PLXDC2: variants seen among roughly 807,000 people sequenced by gnomAD.
The protein encoded by PLXDC2 is plexin domain containing 2.
Under a neutral mutation model 68.9 loss-of-function variants are expected in PLXDC2, and 40 were observed. That is an observed-to-expected ratio of 0.58 (90% CI 0.45 to 0.76). PLXDC2 has a LOEUF of 0.76. Ranked by LOEUF, PLXDC2 falls within the 30% of genes least tolerant of loss-of-function variation. The probability of loss-of-function intolerance (pLI) is 0.00; values close to 1 mark genes in which losing one functional copy is unlikely to be tolerated. For missense variants in PLXDC2, 644 were observed against 661.9 expected (o/e 0.97, Z 0.30); for synonymous variants, 243 against 234.2 (o/e 1.04, Z -0.34).
intron 1 of PLXDC2, among the ~76,000 whole-genome samples, chr10:19,907,190 ATT>A (rs1488008829): frequency 6.6e-6 from 1 of 152,158 alleles, no homozygotes; most frequent in African/African-American, 2.4e-5. Flanking sequence ...AGAGCCTGAA[ATT>A]CTAGCCTTAA....
At position 20,223,678 on chromosome 10, in the gene PLXDC2, A is replaced by T. The variant is rs144114887; in HGVS notation, c.1312+4576A>T. On this transcript the variant is annotated intron_variant, in intron 12 of 13. Transcript: ENST00000377252. ...ATAAGCTATTTTACTTTTACCTACT[A>T]TAGTTCACCTTTTCTATAACAACTG... is the stretch of plus-strand genomic sequence containing the variant. Among the ~76,000 whole-genome samples the T allele has an allele frequency of 5.9e-5, 9 of 152,210 alleles. No individual in the cohort carries two copies. The East Asian group carries it at 1.7e-3, about 29-fold the overall frequency.
chr10:19,952,522 G>A (rs989797733), intron 1 of PLXDC2, among the ~76,000 whole-genome samples: 1 of 152,194 alleles, frequency 6.6e-6, no homozygotes, highest in African/African-American at 2.4e-5. Context: ...ATCTTTGGCT[G>A]TATAAAACTA....
intron 1 of PLXDC2, among the ~76,000 whole-genome samples, chr10:19,835,933 G>C (rs766437194): frequency 6.6e-6 from 1 of 152,020 alleles, no homozygotes; most frequent in Non-Finnish European, 1.5e-5. Context: ...GCACTTTGGG[G>C]GGCTGACATG....
intron 3 of PLXDC2, among the ~76,000 whole-genome samples, chr10:20,064,351 G>C (rs1254092896): frequency 3.3e-5 from 5 of 151,524 alleles, no homozygotes; most frequent in Admixed American, 2.6e-4. Context: ...CTCCCGAATA[G>C]CTAGGACTAC....
intron 1 of PLXDC2, among the ~76,000 whole-genome samples, chr10:19,953,643 A>G (rs1440738497): frequency 6.6e-6 from 1 of 152,226 alleles, no homozygotes; most frequent in Non-Finnish European, 1.5e-5. Flanking sequence ...GACTGGAAAG[A>G]TCAGAAGTCA....
At chr10:19,992,286 G>A (rs184835087) in intron 1 of PLXDC2, among the ~76,000 whole-genome samples, 1 of 152,194 alleles carries the variant, frequency 6.6e-6, no homozygotes, top group East Asian at 1.9e-4. Context: ...TTTCACCAAT[G>A]GTGGGAAGTT....
At chr10:19,965,228 C>T (rs1246540533) in intron 1 of PLXDC2, among the ~76,000 whole-genome samples, 1 of 152,114 alleles carries the variant, frequency 6.6e-6, no homozygotes, top group Non-Finnish European at 1.5e-5. Flanking sequence ...TATCACTGGG[C>T]ACTGAAATCA....
intron 2 of PLXDC2, among the ~76,000 whole-genome samples, chr10:20,022,380 G>A (rs1277627484): frequency 6.6e-6 from 1 of 152,162 alleles, no homozygotes; most frequent in African/African-American, 2.4e-5. Context: ...GAAAATGGGT[G>A]CAGAGACATG....
At position 19,837,405 on chromosome 10, in the gene PLXDC2, AGAGAGTGTGT is replaced by A. The variant is rs1409658170; in HGVS notation, c.112+20216_112+20225del. On this transcript the variant is annotated intron_variant, in intron 1 of 13. Coordinates refer to ENST00000377252, the MANE Select transcript of PLXDC2 (RefSeq NM_032812.9). ...GTAAGTGAGAGAGAGAGAGAGAGAG[AGAGAGTGTGT>A]GTGTGTGTGTGTGTGTGTGTGTGTG... Among the ~76,000 whole-genome samples, 142 of 45,030 alleles carry A rather than the reference AGAGAGTGTGT, an allele frequency of 3.2e-3. 1 individual carries two copies. Among genetic ancestry groups the A allele is most frequent in the African/African-American group, 8.4e-3 (124 of 14,702 alleles). 29.5% of individuals were successfully genotyped at this position (45,030 alleles called of 152,430 possible). A position where few individuals can be genotyped will look rare whatever the true frequency, so the allele number is the denominator to read the frequency against.
chr10:20,145,710 C>A (rs534215153), intron 5 of PLXDC2, among the ~76,000 whole-genome samples: 1 of 151,914 alleles, frequency 6.6e-6, no homozygotes, highest in East Asian at 1.9e-4. Context: ...CCACCACGCC[C>A]GGCTAATTTT....
At chr10:20,271,368 G>A (rs1352954254) in intron 13 of PLXDC2, among the ~76,000 whole-genome samples, 1 of 152,134 alleles carries the variant, frequency 6.6e-6, no homozygotes, top group Admixed American at 6.6e-5. Context: ...GTACCATGAA[G>A]GCAATTGATG....
chr10:19,949,806 G>A (rs1351115219), intron 1 of PLXDC2, among the ~76,000 whole-genome samples: 1 of 152,142 alleles, frequency 6.6e-6, no homozygotes, highest in East Asian at 1.9e-4. Context: ...TAATGTGTGT[G>A]TCCTGTTGGC....
chr10:19,922,430 A>T (rs1589537618), intron 1 of PLXDC2, among the ~76,000 whole-genome samples: 1 of 152,214 alleles, frequency 6.6e-6, no homozygotes, highest in South Asian at 2.1e-4. Flanking sequence ...TATTTTTTTA[A>T]AGCACAGGTT....
rs191715624 is a variant in PLXDC2 at position 20,070,898 on chromosome 10, A to C, written c.541+2659A>C. On this transcript the variant is annotated intron_variant, in intron 4 of 13. Coordinates refer to ENST00000377252, the MANE Select transcript of PLXDC2 (RefSeq NM_032812.9). ...TTCTCCTAGCGGAACTGGCAGGATC[A>C]AACCCAACCAGATAGCTACATCATC... 4.3e-4 allele frequency: 66 copies of C among 152,278 alleles called. 1 individual carries two copies. The highest frequency in any genetic ancestry group is 1.5e-3 in the African/African-American group (61 of 41,576). The allele number at this position is 152,278 out of a possible 1,614,324, so 9.4% of individuals were successfully genotyped here.
At chr10:19,987,312 C>T (rs149904146) in intron 1 of PLXDC2, among the ~76,000 whole-genome samples, 116 of 152,234 alleles carry the variant, frequency 7.6e-4, no homozygotes, top group African/African-American at 2.6e-3. Context: ...TTCTAAATAC[C>T]TAAACAATGT....
intron 2 of PLXDC2, among the ~76,000 whole-genome samples, chr10:20,008,173 CA>C: frequency 6.6e-6 from 1 of 152,254 alleles, no homozygotes; most frequent in East Asian, 1.9e-4. Context: ...TACACAAGGT[CA>C]TTGTGTGGGC....
chr10:20,196,913 A>C, intron 9 of PLXDC2, among the ~76,000 whole-genome samples: 1 of 152,134 alleles, frequency 6.6e-6, no homozygotes, highest in East Asian at 1.9e-4. Context: ...TCGGCTTGTT[A>C]ATTGTTAATT....
At chr10:20,033,081 T>C (rs1484436203) in intron 2 of PLXDC2, among the ~76,000 whole-genome samples, 7 of 151,420 alleles carry the variant, frequency 4.6e-5, no homozygotes. Flanking sequence ...ATACCTAAAG[T>C]AAATGATGAG....
At chr10:19,864,704 A>G (rs777756729) in intron 1 of PLXDC2, among the ~76,000 whole-genome samples, 22 of 152,288 alleles carry the variant, frequency 1.4e-4, no homozygotes, top group Non-Finnish European at 2.6e-4. Context: ...GTGCTAGGCA[A>G]TGAAGATGCA....
Sources: allele counts gnomAD v4.1 joint callset (sites outside exome capture counted in the v4.1 genomes callset), GRCh38; gene constraint gnomAD v4.1.1; transcripts MANE v1.5; gene names NCBI Gene and HGNC (gene_info 2026-07-23, HGNC 2026-07-21).